The following STAT3 variants were observed in gnomAD, a reference collection of about 807,000 sequenced individuals.
STAT3 encodes DNA-binding protein APRF.
A neutral mutation model predicts 114.3 loss-of-function variants in STAT3; 7 were observed. The ratio of observed to expected loss-of-function variants is 0.06; its 90% confidence interval spans 0.03 to 0.11. STAT3 has a LOEUF of 0.11. STAT3 is among the 10% of genes least tolerant of loss of function. STAT3 has a pLI of 1.00. For synonymous variants in STAT3, 331 were observed against 354.5 expected (o/e 0.93, Z 0.74); for missense variants, 364 against 960.9 (o/e 0.38, Z 8.21).
intron 1 of STAT3, among the ~76,000 whole-genome samples, chr17:42,354,089 T>C (rs2083103539): frequency 6.6e-6 from 1 of 151,868 alleles, no homozygotes; most frequent in Non-Finnish European, 1.5e-5. Context: ...TTCCAGTACA[T>C]AACTAAGGAT....
At position 42,337,715 on chromosome 17, in the gene STAT3, G is replaced by C. The variant is rs370370789; in HGVS notation, c.645+48C>G. ...TTCTGCCACAAGACGCTGAAATCCC[G>C]CAAGTGAGCGAGACACATGGGGGAA... is the stretch of plus-strand genomic sequence containing the variant. On this transcript the variant is annotated intron_variant, in intron 7 of 23. Coordinates refer to ENST00000264657, the MANE Select transcript of STAT3 (RefSeq NM_139276.3). This position sits in a 1 kb window ranked among gnomAD's most constrained non-coding sequence, Gnocchi z 4.0. 79 of 1,612,408 alleles carry C rather than the reference G, an allele frequency of 4.9e-5. No individual in the cohort carries two copies. The Admixed American group carries it at 9.2e-4, about 19-fold the overall frequency.
chr17:42,316,651 A>G, intron 23 of STAT3, 138 bp downstream of exon 23: 1 of 1,541,618 alleles, frequency 6.5e-7, no homozygotes, highest in Non-Finnish European at 8.7e-7. Context: ...TGGCATTCAT[A>G]CCATCTCTTT....
chr17:42,351,548 A>G (rs2082958599), intron 1 of STAT3, among the ~76,000 whole-genome samples: 2 of 152,092 alleles, frequency 1.3e-5, no homozygotes, highest in Non-Finnish European at 2.9e-5. Context: ...TTAATGAGAT[A>G]CTTTACACTC....
At chr17:42,382,090 C>G (rs2084831164) in intron 1 of STAT3, among the ~76,000 whole-genome samples, 1 of 152,144 alleles carries the variant, frequency 6.6e-6, no homozygotes, top group African/African-American at 2.4e-5. Flanking sequence ...GTTCCTTCAG[C>G]CTTGAATGCA....
Position 42,337,640 on chromosome 17 carries a change from C to A in STAT3, c.646-54G>T. The A allele has an allele frequency of 6.2e-7, 1 of 1,614,076 alleles. No homozygotes were observed. The highest frequency in any genetic ancestry group is 1.1e-5 in the South Asian group (1 of 91,074). On this transcript the variant is annotated intron_variant, in intron 7 of 23. Transcript: ENST00000264657. The surrounding 1 kb of genome is among the most constrained non-coding windows in gnomAD (Gnocchi z 4.0). ...AACATTTCCTCAGACTGTCTCTAAC[C>A]ACATTCTTTAGTCAACTCCAGAGCA... is the stretch of plus-strand genomic sequence containing the variant.
At chr17:42,336,973 TA>T (rs1212970780) in intron 8 of STAT3, among the ~76,000 whole-genome samples, 1 of 152,020 alleles carries the variant, frequency 6.6e-6, no homozygotes, top group Non-Finnish European at 1.5e-5. Flanking sequence ...GTAAAAACTT[TA>T]TTTTATTTTT....
In STAT3 at chr17:42,329,272, G is replaced by A. The variant is rs866467763; in HGVS notation, c.1281+138C>T. 643 of 1,258,436 alleles carry A rather than the reference G, an allele frequency of 5.1e-4. 1 individual carries two copies. In the Middle Eastern group the frequency reaches 0.011, roughly 21 times the overall value. The allele number at this position is 1,258,436 out of a possible 1,614,324, so 78.0% of individuals were successfully genotyped here. The stretch of plus-strand genomic sequence containing the variant: ...TGGAACTTCTGTTCATGTCACTTTG[G>A]CCTGAAGTGACTTTTTGGAATAACT... On this transcript the variant is annotated intron_variant, in intron 14 of 23. Coordinates refer to ENST00000264657, the MANE Select transcript of STAT3 (RefSeq NM_139276.3).
rs11378560 is a variant in STAT3, at chr17:42,377,983, AT to A, written c.-24+10295del. Among the ~76,000 whole-genome samples the A allele has an allele frequency of 6.7e-3, 859 of 127,678 alleles. 13 individuals are homozygous for A. The highest frequency in any genetic ancestry group is 0.024 in the African/African-American group (793 of 33,680). 83.8% of individuals were successfully genotyped at this position (127,678 alleles called of 152,430 possible). A position where few individuals can be genotyped will look rare whatever the true frequency, so the allele number is the denominator to read the frequency against. ...CCTGGGATATTTCTGCAGAAACAGG[AT>A]TTTTTTTTTTTTTTTTTTTGAGATG... On this transcript the variant is annotated intron_variant, in intron 1 of 23. Transcript: ENST00000264657.
chr17:42,331,794 A>G (rs978233916), intron 10 of STAT3, among the ~76,000 whole-genome samples: 3 of 152,110 alleles, frequency 2.0e-5, no homozygotes, highest in African/African-American at 7.2e-5. Flanking sequence ...GGGGTGTGGT[A>G]GCATGTACCT....
chr17:42,356,706 G>A (rs542531257), intron 1 of STAT3, among the ~76,000 whole-genome samples: 9 of 152,148 alleles, frequency 5.9e-5, no homozygotes, highest in African/African-American at 2.2e-4. Flanking sequence ...GGTCTCAAGC[G>A]ACCCTCCTGT....
intron 1 of STAT3, among the ~76,000 whole-genome samples, chr17:42,357,376 A>T (rs570026112): frequency 1.3e-5 from 2 of 152,320 alleles, no homozygotes; most frequent in African/African-American, 4.8e-5. Context: ...GATGACAGAG[A>T]GTCCACATTA....
At chr17:42,334,125 C>T in intron 8 of STAT3, 76 bp from the exon 9 acceptor site, 3 of 1,551,106 alleles carry the variant, frequency 1.9e-6, no homozygotes, top group East Asian at 2.2e-5. Flanking sequence ...GAAGGAAATA[C>T]TGAAGACATG....
At chr17:42,342,739 G>A (rs1012100859) in intron 4 of STAT3, among the ~76,000 whole-genome samples, 7 of 152,060 alleles carry the variant, frequency 4.6e-5, no homozygotes, top group Admixed American at 4.6e-4. Context: ...GGTTCAAACC[G>A]AAGCAGTTGG....
chr17:42,344,853 GT>G (rs2082624178), intron 4 of STAT3, among the ~76,000 whole-genome samples: 2 of 151,702 alleles, frequency 1.3e-5, no homozygotes, highest in Admixed American at 6.6e-5. Context: ...ACACCTGGCT[GT>G]TTTTTAGGTT....
intron 1 of STAT3, among the ~76,000 whole-genome samples, chr17:42,367,194 G>T (rs888196897): frequency 6.6e-6 from 1 of 151,026 alleles, no homozygotes; most frequent in African/African-American, 2.4e-5. Context: ...ACAGAAATTC[G>T]CCGGCATGGT....
intron 1 of STAT3, among the ~76,000 whole-genome samples, chr17:42,378,089 G>A (rs796958329): frequency 2.0e-5 from 3 of 150,290 alleles, no homozygotes; most frequent in South Asian, 2.1e-4. Flanking sequence ...AGGTTCAAGC[G>A]ATTCTCCTGC....
intron 21 of STAT3, among the ~76,000 whole-genome samples, chr17:42,321,391 C>T (rs1015171304): frequency 3.9e-5 from 6 of 152,104 alleles, no homozygotes. Flanking sequence ...TCCCAAAGTG[C>T]TAGGACTATA....
intron 4 of STAT3, among the ~76,000 whole-genome samples, chr17:42,343,493 C>G (rs933754484): frequency 1.6e-5 from 2 of 128,060 alleles, no homozygotes; most frequent in Admixed American, 1.8e-4. Flanking sequence ...GAGTCTCGCT[C>G]TGTCGCCCAG....
At chr17:42,353,572 T>G (rs1194230286) in intron 1 of STAT3, among the ~76,000 whole-genome samples, 1 of 152,172 alleles carries the variant, frequency 6.6e-6, no homozygotes, top group Non-Finnish European at 1.5e-5. Flanking sequence ...AAATTAATTT[T>G]AAAAACAGAC....
Sources: allele counts gnomAD v4.1 joint callset (sites outside exome capture counted in the v4.1 genomes callset), GRCh38; gene constraint gnomAD v4.1.1; non-coding constraint Gnocchi (gnomAD v3.1); transcripts MANE v1.5; gene names NCBI Gene and HGNC (gene_info 2026-07-23, HGNC 2026-07-21).